The following ZNF324 variants were observed in gnomAD, a reference collection of about 807,000 sequenced individuals.
ZNF324 encodes zinc finger protein 324.
In ZNF324, 3 loss-of-function variants were observed where a neutral mutation model predicts 10.3. The observed-to-expected ratio is 0.29, with a 90% CI of 0.13 to 0.75. The LOEUF is 0.75. Ranked by LOEUF, ZNF324 falls within the 30% of genes least tolerant of loss-of-function variation. The pLI is 0.69. For missense variants in ZNF324, 763 were observed against 784.4 expected (o/e 0.97, Z 0.33); for synonymous variants, 430 against 339.5 (o/e 1.27, Z -2.93).
rs913393752 is a variant in ZNF324 at position 58,471,134 on chromosome 19, G to A, written c.642G>A (p.Glu214=). 4 of 1,613,814 alleles carry A rather than the reference G, an allele frequency of 2.5e-6. No individual in the cohort carries two copies. Among genetic ancestry groups the A allele is most frequent in the South Asian group, 1.1e-5 (1 of 91,090 alleles). ...GRTFGSAQDL[E]AAGGRGHHRM... ...CCTTTGGGAGCGCCCAGGACCTGGA[G>A]GCTGCCGGCGGTCGGGGACATCACC... The change falls in exon 4 of 4, where the codon GAG becomes GAA. Residue 214 remains glutamate (E), a synonymous_variant. Coordinates refer to ENST00000196482, the MANE Select transcript of ZNF324 (RefSeq NM_014347.3).
chr19:58,474,212 G>T lies in ZNF324; in HGVS notation c.*2058G>T, dbSNP rs1206468306. 6.6e-6 allele frequency: 1 copy of T among 152,238 alleles called. No individual in the cohort carries two copies. The highest frequency in any genetic ancestry group is 2.4e-5 in the African/African-American group (1 of 41,462). The allele number at this position is 152,238 out of a possible 1,614,324, so 9.4% of individuals were successfully genotyped here. A position where few individuals can be genotyped will look rare whatever the true frequency, so the allele number is the denominator to read the frequency against. On this transcript the variant is annotated 3_prime_UTR_variant, in exon 4 of 4. Coordinates refer to ENST00000196482, the MANE Select transcript of ZNF324 (RefSeq NM_014347.3). ...AATCCCAGTAGGTCCCTGAACCATT[G>T]TCCCCCAGTAAGTCTGCAGAGCTGT...
chr19:58,467,367 G>C (rs1393556198), intron 1 of ZNF324, 184 bp downstream of exon 1: 1 of 152,280 alleles, frequency 6.6e-6, no homozygotes, highest in Non-Finnish European at 1.5e-5. Flanking sequence ...GCTGCGCGCT[G>C]GGCGTTCCAC....
rs967465195 is a variant in ZNF324 at position 58,473,447 on chromosome 19, C to T, written c.*1293C>T. Reference sequence around the variant, plus strand: ...AAAAAAAAGACTACCATCTGCAACTCAGAGTAGGTGTTGCAGTTTCCTGTA... The same window carrying T: ...AAAAAAAAGACTACCATCTGCAACTTAGAGTAGGTGTTGCAGTTTCCTGTA... On this transcript the variant is annotated 3_prime_UTR_variant, in exon 4 of 4. Transcript: ENST00000196482. The T allele has an allele frequency of 2.7e-5, 4 of 146,508 alleles. No homozygotes were observed. Among genetic ancestry groups the T allele is most frequent in the African/African-American group, 1.0e-4 (4 of 40,010 alleles). The allele number at this position is 146,508 out of a possible 1,614,324, so 9.1% of individuals were successfully genotyped here.
chr19:58,470,312 C>G (rs1456741381), intron 3 of ZNF324, among the ~76,000 whole-genome samples: 3 of 143,134 alleles, frequency 2.1e-5, no homozygotes, highest in Non-Finnish European at 4.5e-5. Context: ...AAGCAGGATT[C>G]AGGAGTATAG....
At position 58,473,485 on chromosome 19, in the gene ZNF324, CCTCCAGAGCACAGCCTCTTGTCCCTA is replaced by C. The variant is rs2053056460; in HGVS notation, c.*1342_*1367del. On this transcript the variant is annotated 3_prime_UTR_variant, in exon 4 of 4. Coordinates refer to ENST00000196482, the MANE Select transcript of ZNF324 (RefSeq NM_014347.3). ...GCAGTTTCCTGTACAGCAGTTTGGA[CCTCCAGAGCACAGCCTCTTGTCCCTA>C]CTCCAGAGCATGGTTCAGTCTTAAT... 1 of 151,138 alleles carries C rather than the reference CCTCCAGAGCACAGCCTCTTGTCCCTA, an allele frequency of 6.6e-6. No individual in the cohort carries two copies. Among genetic ancestry groups the C allele is most frequent in the African/African-American group, 2.4e-5 (1 of 41,144 alleles). The allele number at this position is 151,138 out of a possible 1,614,324, so 9.4% of individuals were successfully genotyped here. A position where few individuals can be genotyped will look rare whatever the true frequency, so the allele number is the denominator to read the frequency against.
In ZNF324 at chr19:58,471,069, G is replaced by A. The variant is rs764888667; in HGVS notation, c.577G>A (p.Glu193Lys). ...GCTGGGGAGGCAGCCCAGGACGCCT[G>A]AGCGGCAGAAACCATGTGCACAGGA... The part of the protein sequence containing the change: ...ALLGRQPRTP[E>K]RQKPCAQEVP... Residue 193 changes from glutamate to lysine, a missense_variant, in exon 4 of 4, where the codon GAG (glutamate) becomes AAG (lysine). Glu to Lys is a moderately conservative substitution (Grantham distance 56). Coordinates refer to ENST00000196482, the MANE Select transcript of ZNF324 (RefSeq NM_014347.3). 1.2e-6 allele frequency: 2 copies of A among 1,613,916 alleles called. No homozygotes were observed. The highest frequency in any genetic ancestry group is 3.3e-5 in the Admixed American group (2 of 60,028).
rs145882663 is a variant in ZNF324 at position 58,471,974 on chromosome 19, G to T, written c.1482G>T (p.Pro494=). ...GTGGCCGCGCCTTCCGTGAGCGCCC[G>T]GCCCTCTTCCACCACCAGAGGATCC... ...TQCGRAFRER[P]ALFHHQRIHT... Residue 494 remains proline (P), a synonymous_variant, in exon 4 of 4, where the codon CCG becomes CCT. Coordinates refer to ENST00000196482, the MANE Select transcript of ZNF324 (RefSeq NM_014347.3). 1,800 of 1,608,998 alleles carry T rather than the reference G, an allele frequency of 1.1e-3. 2 individuals are homozygous for T. Among genetic ancestry groups the T allele is most frequent in the Middle Eastern group, 1.5e-3 (9 of 6,058 alleles).
Position 58,475,144 on chromosome 19 carries a change from G to A in ZNF324, c.*2990G>A, listed in dbSNP as rs1248888655. ...CCTGAGGAGGCCGTTGGAAAGCTCC[G>A]AGTTGACAAGTCTCATCCACGCACA... is the stretch of plus-strand genomic sequence containing the variant. On this transcript the variant is annotated 3_prime_UTR_variant, in exon 4 of 4. Coordinates refer to ENST00000196482, the MANE Select transcript of ZNF324 (RefSeq NM_014347.3). 6.6e-6 allele frequency: 1 copy of A among 152,114 alleles called. No individual in the cohort carries two copies. Among genetic ancestry groups the A allele is most frequent in the Non-Finnish European group, 1.5e-5 (1 of 68,030 alleles). 9.4% of individuals were successfully genotyped at this position (152,114 alleles called of 1,614,324 possible).
In ZNF324 at chr19:58,470,889, G is replaced by C; in HGVS notation, c.397G>C (p.Glu133Gln). The change falls in exon 4 of 4, where the codon GAG (glutamate) becomes CAG (glutamine). Residue 133 changes from glutamate (E) to glutamine (Q), a missense_variant. Coordinates refer to ENST00000196482, the MANE Select transcript of ZNF324 (RefSeq NM_014347.3). ...QRQRGASPSR[E>Q]RKPTGVSVIY... ...ACAACGGGGTGCCTCCCCATCTCGG[G>C]AGAGAAAACCCACGGGGGTGTCGGT... 6.2e-7 allele frequency: 1 copy of C among 1,614,210 alleles called. No individual in the cohort carries two copies. Among genetic ancestry groups the C allele is most frequent in the Non-Finnish European group, 8.5e-7 (1 of 1,180,026 alleles).
At chr19:58,469,929 C>G in intron 3 of ZNF324, 85 bp downstream of exon 3, 1 of 1,005,018 alleles carries the variant, frequency 1.0e-6, no homozygotes, top group Non-Finnish European at 1.5e-6. Context: ...CCCAGAAGCA[C>G]CCTCCTCCCC....
intron 1 of ZNF324, chr19:58,468,321 G>T (rs2052999424): frequency 1.2e-6 from 1 of 859,658 alleles, no homozygotes; most frequent in Non-Finnish European, 1.4e-6. Flanking sequence ...AGACCAGCTG[G>T]GATGCCTGGG....
Position 58,471,159 on chromosome 19 carries a change from C to T in ZNF324, c.667C>T (p.Arg223Ter). ...LEAAGGRGHH[R>*]MGAVWQEPHR... ...GGCTGCCGGCGGTCGGGGACATCAC[C>T]GAATGGGTGCAGTTTGGCAGGAGCC... Residue 223 changes from arginine (R) to a stop codon, truncating the protein, a stop_gained, in exon 4 of 4, where the codon CGA becomes TGA. Transcript: ENST00000196482. LOFTEE classifies it low-confidence loss of function (END_TRUNC). The T allele has an allele frequency of 2.5e-6, 4 of 1,613,734 alleles. No homozygotes were observed. Among genetic ancestry groups the T allele is most frequent in the Middle Eastern group, 1.7e-4 (1 of 6,060 alleles).
chr19:58,468,538 G>T (rs1387970311), intron 1 of ZNF324, among the ~76,000 whole-genome samples: 1 of 152,180 alleles, frequency 6.6e-6, no homozygotes, highest in Non-Finnish European at 1.5e-5. Flanking sequence ...AGCAGGCTCA[G>T]CAGGGGAGGG....
Position 58,471,361 on chromosome 19 carries a change from G to A in ZNF324, c.869G>A (p.Cys290Tyr). ...TGERPYECAQ[C>Y]GKAFSQTSHL... The stretch of plus-strand genomic sequence containing the variant: ...GAGCGGCCCTACGAGTGCGCCCAGT[G>A]CGGCAAGGCCTTCAGCCAGACGTCG... The change falls in exon 4 of 4, where the codon TGC (cysteine) becomes TAC (tyrosine). Residue 290 changes from cysteine to tyrosine, a missense_variant. Cys to Tyr is a radical substitution (Grantham distance 194, BLOSUM62 -2). Transcript: ENST00000196482. The A allele has an allele frequency of 6.2e-7, 1 of 1,614,026 alleles. No individual in the cohort carries two copies. The highest frequency in any genetic ancestry group is 1.3e-5 in the African/African-American group (1 of 75,066).
At chr19:58,467,324 C>A (rs2052990247) in intron 1 of ZNF324, 141 bp downstream of exon 1, 1 of 152,168 alleles carries the variant, frequency 6.6e-6, no homozygotes. Context: ...CGGCGGGAGC[C>A]ATGCGCTCTC....
At chr19:58,470,420 G>A (rs2053018309) in intron 3 of ZNF324, 1 of 491,076 alleles carries the variant, frequency 2.0e-6, no homozygotes, top group African/African-American at 1.9e-5. Context: ...GCAATGGAAA[G>A]AGTGTGGGTG....
Position 58,469,312 on chromosome 19 carries a change from G to C in ZNF324, c.121+6G>C, listed in dbSNP as rs375858595. The C allele has an allele frequency of 1.3e-4, 217 of 1,612,882 alleles. 1 individual carries two copies. In the African/African-American group the frequency reaches 2.7e-3, roughly 20 times the overall value. On this transcript the variant is annotated splice_donor_region_variant and intron_variant, in intron 2 of 3. Transcript: ENST00000196482. ...CGCACTTGTGGCCTCGCTGGGTAAG[G>C]TCCTAGATACTCCATGAAATGGGCA...
At chr19:58,469,639 T>G in intron 2 of ZNF324, 89 bp from the exon 3 acceptor site, 1 of 1,114,012 alleles carries the variant, frequency 9.0e-7, no homozygotes, top group Admixed American at 2.1e-5. Context: ...ACATTTTCTG[T>G]TTCCGTGAAG....
chr19:58,471,297 A>G lies in ZNF324; in HGVS notation c.805A>G (p.Ser269Gly). 13 of 1,613,848 alleles carry G rather than the reference A, an allele frequency of 8.1e-6. No homozygotes were observed. The highest frequency in any genetic ancestry group is 1.1e-5 in the Non-Finnish European group (13 of 1,180,008). Reference protein sequence around the residue: ...CRACSKVFVKSSDLLKHLRTH... With the variant: ...CRACSKVFVKGSDLLKHLRTH... ...GGCGTGCAGCAAAGTGTTCGTGAAG[A>G]GCTCCGACCTCCTCAAGCACCTACG... Residue 269 changes from serine (S) to glycine (G), a missense_variant, in exon 4 of 4, where the codon AGC becomes GGC. Coordinates refer to ENST00000196482, the MANE Select transcript of ZNF324 (RefSeq NM_014347.3).
Sources: gnomAD v4.1 joint callset for allele counts (sites outside exome capture counted in the v4.1 genomes callset) on GRCh38, gnomAD v4.1.1 for gene constraint, MANE v1.5 for transcripts, NCBI Gene and HGNC (gene_info 2026-07-23, HGNC 2026-07-21) for gene names.